The following TLE2 variants were observed in gnomAD, a reference collection of about 807,000 sequenced individuals.
TLE2 encodes the protein transducin-like enhancer protein 2.
In TLE2, 74 loss-of-function variants were observed where a neutral mutation model predicts 97.2. The observed-to-expected ratio is 0.76, with a 90% CI of 0.63 to 0.92. The LOEUF (loss-of-function observed/expected upper bound fraction) is 0.92, where lower values mean the gene tolerates loss of function less well. Ranked by LOEUF, TLE2 falls within the 40% of genes least tolerant of loss-of-function variation. TLE2 has a pLI of 0.00. For missense variants in TLE2, 1,038 were observed against 1,008.7 expected (o/e 1.03, Z -0.39); for synonymous variants, 499 against 432.1 (o/e 1.15, Z -1.92).
At chr19:3,016,089 CCACGCCCAG>C (rs2089697236) in intron 8 of TLE2, among the ~76,000 whole-genome samples, 1 of 151,772 alleles carries the variant, frequency 6.6e-6, no homozygotes, top group Admixed American at 6.6e-5. Flanking sequence ...GGCGCCACCA[CCACGCCCAG>C]CTAATTTTTG....
At chr19:3,008,505 C>T (rs2089523050) in intron 14 of TLE2, among the ~76,000 whole-genome samples, 1 of 150,154 alleles carries the variant, frequency 6.7e-6, no homozygotes, top group South Asian at 2.1e-4. Flanking sequence ...GGCTGGAGTG[C>T]AATGGCACGG....
At chr19:3,024,989 C>A (rs1427028237) in intron 5 of TLE2, 31 bp downstream of exon 5, 1 of 1,556,500 alleles carries the variant, frequency 6.4e-7, no homozygotes. Flanking sequence ...GGCTCCCTTC[C>A]CCTCCTCCCC....
intron 4 of TLE2, chr19:3,025,632 C>G (rs566043588): frequency 1.0e-6 from 1 of 985,692 alleles, no homozygotes; most frequent in African/African-American, 1.7e-5. Flanking sequence ...GGGTCTGGGC[C>G]CAGGTGCCCC....
At chr19:3,003,329 G>A (rs1003326065) in intron 17 of TLE2, among the ~76,000 whole-genome samples, 3 of 152,160 alleles carry the variant, frequency 2.0e-5, no homozygotes, top group Non-Finnish European at 4.4e-5. Flanking sequence ...CAAGGTCACA[G>A]AGCAAGACTA....
At position 3,028,695 on chromosome 19, in the gene TLE2, G is replaced by GCCCCCCT. The variant is rs1555694392; in HGVS notation, c.122+4_122+10dup. 1 of 1,612,194 alleles carries GCCCCCCT rather than the reference G, an allele frequency of 6.2e-7. No individual in the cohort carries two copies. The highest frequency in any genetic ancestry group is 1.3e-5 in the African/African-American group (1 of 74,852). ...GTGAACTCCCGCGGCCCCTGGGGCG[G>GCCCCCCT]CCCCCCTCACCTGTGGTATTGAGCC... On this transcript the variant is annotated intron_variant, in intron 2 of 19. Transcript: ENST00000262953.
At chr19:3,002,255 ATAACATTAT>A in intron 18 of TLE2, 89 bp downstream of exon 18, 1 of 1,400,730 alleles carries the variant, frequency 7.1e-7, no homozygotes, top group Non-Finnish European at 9.5e-7. Flanking sequence ...TAGTATATAA[ATAACATTAT>A]TTGTTATTTA....
At chr19:3,040,844 C>T (rs1008147155) in intron 1 of TLE2, among the ~76,000 whole-genome samples, 3 of 149,710 alleles carry the variant, frequency 2.0e-5, no homozygotes, top group Admixed American at 6.7e-5. Context: ...GCTATATTAT[C>T]GACCTCAATC....
intron 19 of TLE2, among the ~76,000 whole-genome samples, chr19:2,999,764 G>A (rs866103276): frequency 1.3e-5 from 2 of 148,428 alleles, no homozygotes; most frequent in South Asian, 2.1e-4. Context: ...TGGGCGCAGT[G>A]GCTCACGCCT....
At chr19:3,028,226 G>C (rs1170871549) in intron 3 of TLE2, 93 bp downstream of exon 3, 3 of 1,310,672 alleles carry the variant, frequency 2.3e-6, no homozygotes, top group East Asian at 5.0e-5. Flanking sequence ...GGAAGACGAG[G>C]TTCGGAGTGG....
chr19:3,013,767 G>A lies in TLE2; in HGVS notation c.775C>T (p.Pro259Ser). ...TCCCGACGGGCAGGAATGCAGATGG[G>A]TACCTTTCCGCAGGGGGTGGTAGCC... Reference protein sequence around the residue: ...SPATTPCGKVPICIPARRDLV... With the variant: ...SPATTPCGKVSICIPARRDLV... The change falls in exon 11 of 20, where the codon CCC (proline) becomes TCC (serine). Residue 259 changes from proline to serine, a missense_variant. By Grantham distance (74) the Pro-to-Ser change is moderately conservative. Transcript: ENST00000262953. 1.3e-6 allele frequency: 2 copies of A among 1,562,482 alleles called. No homozygotes were observed. The highest frequency in any genetic ancestry group is 1.2e-5 in the South Asian group (1 of 83,300).
intron 4 of TLE2, chr19:3,025,714 C>A (rs767887719): frequency 2.2e-4 from 135 of 623,312 alleles, no homozygotes; most frequent in Non-Finnish European, 2.6e-4. Context: ...CGGACTTTGC[C>A]TCTGCCTGAG....
chr19:3,000,096 G>A (rs754743326), intron 19 of TLE2, among the ~76,000 whole-genome samples: 1 of 151,170 alleles, frequency 6.6e-6, no homozygotes, highest in East Asian at 2.0e-4. Context: ...TTTTGAGGCA[G>A]AGCCTCACTC....
At chr19:3,016,398 A>G (rs1287927492) in intron 8 of TLE2, among the ~76,000 whole-genome samples, 3 of 111,258 alleles carry the variant, frequency 2.7e-5, no homozygotes, top group Admixed American at 1.2e-4. Flanking sequence ...ACACGGTGAA[A>G]CCCCGTCTCT....
intron 2 of TLE2, 65 bp from the exon 3 acceptor site, chr19:3,028,447 A>G (rs1350552500): frequency 6.8e-7 from 1 of 1,481,200 alleles, no homozygotes; most frequent in South Asian, 1.3e-5. Context: ...CCAAAGTGAG[A>G]GGCTGGATCT....
At chr19:3,000,467 C>T (rs372296346) in intron 19 of TLE2, among the ~76,000 whole-genome samples, 180 bp downstream of exon 19, 60 of 151,990 alleles carry the variant, frequency 3.9e-4, no homozygotes, top group African/African-American at 1.3e-3. Context: ...GCGAGGCCTC[C>T]GGCTGAAATT....
At chr19:3,034,613 A>G (rs2090048980) in intron 1 of TLE2, among the ~76,000 whole-genome samples, 1 of 150,946 alleles carries the variant, frequency 6.6e-6, no homozygotes, top group Non-Finnish European at 1.5e-5. Context: ...GCCCAACCCA[A>G]AAACTGTCTC....
chr19:3,039,725 T>G (rs1380916842), intron 1 of TLE2, among the ~76,000 whole-genome samples: 1 of 152,146 alleles, frequency 6.6e-6, no homozygotes, highest in Non-Finnish European at 1.5e-5. Context: ...GGATAGAGCC[T>G]CACCAAGGTC....
chr19:3,011,528 T>G (rs2089596085), intron 11 of TLE2, among the ~76,000 whole-genome samples: 2 of 79,094 alleles, frequency 2.5e-5, no homozygotes, highest in Non-Finnish European at 2.4e-5. Flanking sequence ...CGACTCCATC[T>G]CAAAAAAAAA....
At position 3,029,121 on chromosome 19, in the gene TLE2, G is replaced by C. The variant is rs1024690506; in HGVS notation, c.-217C>G. On this transcript the variant is annotated 5_prime_UTR_variant, in exon 1 of 20. Transcript: ENST00000262953. ...CCCCTCCCCGGGTTGGGGTGCGCGGGGCGAGCGGGGCGGGCAGGGGCAGCG... is the reference window on the plus strand; with the variant it reads ...CCCCTCCCCGGGTTGGGGTGCGCGGCGCGAGCGGGGCGGGCAGGGGCAGCG... The C allele has an allele frequency of 8.9e-7, 1 of 1,126,644 alleles. No homozygotes were observed. The highest frequency in any genetic ancestry group is 4.9e-5 in the Admixed American group (1 of 20,336). The allele number at this position is 1,126,644 out of a possible 1,614,324, so 69.8% of individuals were successfully genotyped here.
Sources: allele counts gnomAD v4.1 joint callset (sites outside exome capture counted in the v4.1 genomes callset), GRCh38; gene constraint gnomAD v4.1.1; transcripts MANE v1.5; gene names NCBI Gene and HGNC (gene_info 2026-07-23, HGNC 2026-07-21).